CMSS1: variants seen among roughly 807,000 people sequenced by gnomAD.
The protein encoded by CMSS1 is protein CMSS1.
In CMSS1, 33 loss-of-function variants were observed where a neutral mutation model predicts 43.5. The observed-to-expected ratio is 0.76, with a 90% confidence interval of 0.57 to 1.01. The LOEUF (loss-of-function observed/expected upper bound fraction) is 1.01. Among genes scored for constraint, CMSS1 ranks in the 50% least tolerant of loss-of-function variants. The probability of loss-of-function intolerance (pLI) is 0.00; values close to 1 mark genes in which losing one functional copy is unlikely to be tolerated. For synonymous variants in CMSS1, 115 were observed against 117.2 expected, an observed-to-expected ratio of 0.98 and a Z score of 0.12; for missense variants, 313 against 326.4, an observed-to-expected ratio of 0.96 and a Z score of 0.32.
chr3:99,978,677 A>G (rs1213470205), intron 1 of CMSS1, among the ~76,000 whole-genome samples: 1 of 152,174 alleles, frequency 6.6e-6, no homozygotes, highest in Non-Finnish European at 1.5e-5. Context: ...GGTGAATCAC[A>G]TGAGGCCAGG....
At chr3:100,176,801 A>G (rs961085641) in intron 9 of CMSS1, among the ~76,000 whole-genome samples, 1 of 152,152 alleles carries the variant, frequency 6.6e-6, no homozygotes, top group Admixed American at 6.6e-5. Context: ...AGGGGTACAA[A>G]CTTGCCTCTG....
At chr3:100,094,349 AG>A (rs1382754769) in intron 1 of CMSS1, among the ~76,000 whole-genome samples, 1 of 152,110 alleles carries the variant, frequency 6.6e-6, no homozygotes, top group Non-Finnish European at 1.5e-5. Context: ...TCACATATGT[AG>A]TTTGGTATAT....
chr3:100,083,925 G>T (rs191163455), intron 1 of CMSS1, among the ~76,000 whole-genome samples: 44 of 152,282 alleles, frequency 2.9e-4, no homozygotes, highest in South Asian at 1.9e-3. Flanking sequence ...AAGTACTAAG[G>T]TTGTGAGCAT....
At chr3:99,959,361 G>C (rs1708428262) in intron 1 of CMSS1, among the ~76,000 whole-genome samples, 1 of 152,288 alleles carries the variant, frequency 6.6e-6, no homozygotes, top group Admixed American at 6.5e-5. Context: ...TGCTGGCCAG[G>C]CTGGTCTCGA....
At position 100,083,800 on chromosome 3, in the gene CMSS1, TCTGGG is replaced by T. The variant is rs551782457; in HGVS notation, c.65-63170_65-63166del. 3.9e-3 allele frequency among the ~76,000 whole-genome samples: 593 copies of T among 152,234 alleles called. 1 individual carries two copies. The highest frequency in any genetic ancestry group is 7.1e-3 in the Non-Finnish European group (481 of 68,004). On this transcript the variant is annotated intron_variant, in intron 1 of 9. Transcript: ENST00000421999. ...ATGTTGCCCAGGCTGGTTTCAAACT[TCTGGG>T]CTCAAGCAGTCCTCCCACCTTGGCC...
intron 1 of CMSS1, among the ~76,000 whole-genome samples, chr3:100,031,525 C>T (rs1029727591): frequency 6.6e-6 from 1 of 152,018 alleles, no homozygotes; most frequent in Non-Finnish European, 1.5e-5. Context: ...GAAGAAGCCA[C>T]GTTACAGAAC....
chr3:100,014,601 C>T (rs1325653499), intron 1 of CMSS1, among the ~76,000 whole-genome samples: 3 of 152,076 alleles, frequency 2.0e-5, no homozygotes. Flanking sequence ...TGATGTTAAA[C>T]ATTTTTTCAT....
chr3:99,868,264 G>C (rs1944618728), intron 1 of CMSS1, among the ~76,000 whole-genome samples: 1 of 150,350 alleles, frequency 6.7e-6, no homozygotes, highest in Non-Finnish European at 1.5e-5. Flanking sequence ...TCAAGGTAAA[G>C]GGTAACCTCT....
chr3:99,864,365 T>C (rs1310398040), intron 1 of CMSS1, among the ~76,000 whole-genome samples: 2 of 152,118 alleles, frequency 1.3e-5, no homozygotes. Flanking sequence ...TGCCACTAGA[T>C]CTCACTTAAT....
chr3:100,160,878 G>A (rs995338599), intron 3 of CMSS1, among the ~76,000 whole-genome samples: 2 of 151,944 alleles, frequency 1.3e-5, no homozygotes, highest in African/African-American at 2.4e-5. Context: ...TATTCATTCC[G>A]GATTTTAAGA....
At chr3:99,848,853 C>T (rs372889125) in intron 1 of CMSS1, 19 of 1,613,810 alleles carry the variant, frequency 1.2e-5, no homozygotes, top group African/African-American at 2.7e-5. Flanking sequence ...TTTGCTTTGG[C>T]GTGCCACAGT....
chr3:99,916,918 C>T (rs974309400), intron 1 of CMSS1, among the ~76,000 whole-genome samples: 1 of 152,180 alleles, frequency 6.6e-6, no homozygotes, highest in Non-Finnish European at 1.5e-5. Context: ...GGAAAGTTTA[C>T]CTATGAGTTG....
chr3:99,962,990 A>G (rs191191685), intron 1 of CMSS1, among the ~76,000 whole-genome samples: 2 of 152,296 alleles, frequency 1.3e-5, no homozygotes, highest in East Asian at 3.9e-4. Flanking sequence ...CATGGAAGAG[A>G]TTGCTCTCTT....
intron 1 of CMSS1, among the ~76,000 whole-genome samples, chr3:100,142,277 T>C (rs2107508320): frequency 6.6e-6 from 1 of 152,324 alleles, no homozygotes; most frequent in African/African-American, 2.4e-5. Context: ...ATATGTAGAT[T>C]TCACCAACCA....
At chr3:99,894,854 C>T (rs186218007) in intron 1 of CMSS1, among the ~76,000 whole-genome samples, 3 of 152,280 alleles carry the variant, frequency 2.0e-5, no homozygotes, top group Non-Finnish European at 2.9e-5. Flanking sequence ...GAGTAGAGAA[C>T]AATATTCTTG....
At chr3:99,850,555 T>C in intron 1 of CMSS1, 1 of 1,613,810 alleles carries the variant, frequency 6.2e-7, no homozygotes, top group African/African-American at 1.3e-5. Flanking sequence ...TTTCCTGAGC[T>C]CTTCCACTTC....
chr3:99,909,377 G>A (rs1315562108), intron 1 of CMSS1, among the ~76,000 whole-genome samples: 2 of 152,140 alleles, frequency 1.3e-5, no homozygotes, highest in Admixed American at 6.5e-5. Context: ...TATCCATGTA[G>A]GAATGATGTG....
At chr3:99,895,792 A>G (rs1372382453) in intron 1 of CMSS1, among the ~76,000 whole-genome samples, 4 of 152,184 alleles carry the variant, frequency 2.6e-5, no homozygotes, top group African/African-American at 9.7e-5. Context: ...ACAATACCCT[A>G]GCAGCCTTCA....
chr3:99,850,037 G>A, intron 1 of CMSS1: 14 of 1,609,810 alleles, frequency 8.7e-6, no homozygotes, highest in South Asian at 1.1e-5. Flanking sequence ...TTGGACTTGA[G>A]CGCCCTTTTA....
Sources: gnomAD v4.1 joint callset for allele counts (sites outside exome capture counted in the v4.1 genomes callset) on GRCh38, gnomAD v4.1.1 for gene constraint, MANE v1.5 for transcripts, NCBI Gene and HGNC (gene_info 2026-07-23, HGNC 2026-07-21) for gene names.